GPC5: variants seen among roughly 807,000 people sequenced by gnomAD.
GPC5 encodes glypican 5, also known as glypican-5.
In GPC5, 47 loss-of-function variants were observed where a neutral mutation model predicts 53.9. That is an observed-to-expected ratio of 0.87 (90% CI 0.69 to 1.11). The LOEUF is 1.11. Ranked by LOEUF, GPC5 falls within the 50% of genes most tolerant of loss-of-function variation. The probability of loss-of-function intolerance (pLI) is 0.00; values close to 1 mark genes in which losing one functional copy is unlikely to be tolerated. For synonymous variants in GPC5, 286 were observed against 263.3 expected (o/e 1.09, Z -0.84); for missense variants, 748 against 713.1 (o/e 1.05, Z -0.56).
intron 6 of GPC5, among the ~76,000 whole-genome samples, chr13:92,110,910 C>G (rs761291404): frequency 6.6e-6 from 1 of 152,158 alleles, no homozygotes. Flanking sequence ...AAAGAATCAT[C>G]ATGATAATAT....
chr13:92,557,725 C>A (rs116853712), intron 7 of GPC5, among the ~76,000 whole-genome samples: 1 of 151,952 alleles, frequency 6.6e-6, no homozygotes, highest in Non-Finnish European at 1.5e-5. Context: ...GTTCTGAATG[C>A]CTACTTCCAC....
chr13:92,802,994 C>T (rs1427448841), intron 7 of GPC5, among the ~76,000 whole-genome samples: 6 of 151,836 alleles, frequency 4.0e-5, no homozygotes, highest in Non-Finnish European at 7.4e-5. Flanking sequence ...AATGATTAAT[C>T]CTGCAAAGAA....
intron 7 of GPC5, among the ~76,000 whole-genome samples, chr13:92,776,702 A>G (rs1249851053): frequency 1.3e-5 from 2 of 152,100 alleles, no homozygotes; most frequent in South Asian, 2.1e-4. Flanking sequence ...TTTTCATAAC[A>G]CCCAATCACC....
chr13:92,443,283 T>G (rs1877650538), intron 7 of GPC5, among the ~76,000 whole-genome samples: 1 of 152,212 alleles, frequency 6.6e-6, no homozygotes, highest in Admixed American at 6.5e-5. Flanking sequence ...TCTGCCTGCA[T>G]GACCCAAACA....
chr13:91,455,307 T>C (rs1881463159), intron 2 of GPC5, among the ~76,000 whole-genome samples: 1 of 152,100 alleles, frequency 6.6e-6, no homozygotes, highest in African/African-American at 2.4e-5. Flanking sequence ...CAAAACCAAT[T>C]GAAACTCACT....
At chr13:92,318,944 C>T (rs1453592819) in intron 7 of GPC5, among the ~76,000 whole-genome samples, 1 of 152,076 alleles carries the variant, frequency 6.6e-6, no homozygotes, top group Non-Finnish European at 1.5e-5. Flanking sequence ...AGAGAGGATA[C>T]TTTCAGTGAG....
At chr13:91,882,670 GTTTT>G in intron 5 of GPC5, among the ~76,000 whole-genome samples, 1 of 59,334 alleles carries the variant, frequency 1.7e-5, no homozygotes, top group East Asian at 5.1e-4. Flanking sequence ...TGTTTTTTGG[GTTTT>G]TTTTTTTTTT....
At chr13:92,531,506 GAT>G (rs67635801) in intron 7 of GPC5, among the ~76,000 whole-genome samples, 17,522 of 151,746 alleles carry the variant, frequency 0.12, 1,125 homozygotes, top group Non-Finnish European at 0.15. Context: ...TGTTTATACA[GAT>G]ATATATGTAT....
chr13:91,665,967 A>C (rs2035102343), intron 2 of GPC5, among the ~76,000 whole-genome samples: 1 of 152,232 alleles, frequency 6.6e-6, no homozygotes. Context: ...GTGCCATCTC[A>C]TTCTCTAATC....
At chr13:92,799,649 C>T (rs1876827616) in intron 7 of GPC5, among the ~76,000 whole-genome samples, 1 of 151,724 alleles carries the variant, frequency 6.6e-6, no homozygotes, top group South Asian at 2.1e-4. Flanking sequence ...CTGTGGGTTT[C>T]CATCTTACAA....
intron 1 of GPC5, among the ~76,000 whole-genome samples, chr13:91,430,480 C>G (rs1785466365): frequency 6.6e-6 from 1 of 152,024 alleles, no homozygotes; most frequent in African/African-American, 2.4e-5. Context: ...AGTTTTTCTT[C>G]CTCTGTAAAG....
At chr13:91,747,785 A>G (rs2037083857) in intron 4 of GPC5, among the ~76,000 whole-genome samples, 1 of 152,222 alleles carries the variant, frequency 6.6e-6, no homozygotes, top group Non-Finnish European at 1.5e-5. Flanking sequence ...ACTGGCAGCC[A>G]GTTATTGCTA....
At chr13:91,501,703 C>T (rs1330026030) in intron 2 of GPC5, among the ~76,000 whole-genome samples, 1 of 152,188 alleles carries the variant, frequency 6.6e-6, no homozygotes, top group African/African-American at 2.4e-5. Context: ...CCACAATAAA[C>T]ATACGTGTGC....
chr13:92,112,321 A>G (rs1460369541), intron 6 of GPC5, among the ~76,000 whole-genome samples: 1 of 152,126 alleles, frequency 6.6e-6, no homozygotes, highest in Non-Finnish European at 1.5e-5. Flanking sequence ...TACCAGATAG[A>G]AGATTGAAGA....
intron 7 of GPC5, among the ~76,000 whole-genome samples, chr13:92,464,946 C>A (rs754642092): frequency 6.6e-6 from 1 of 151,510 alleles, no homozygotes; most frequent in Non-Finnish European, 1.5e-5. Flanking sequence ...TATATCTATA[C>A]ATATTAAAAC....
At chr13:91,551,393 G>C (rs1207079845) in intron 2 of GPC5, among the ~76,000 whole-genome samples, 3 of 152,110 alleles carry the variant, frequency 2.0e-5, no homozygotes, top group Admixed American at 1.3e-4. Flanking sequence ...TCTGTTTACT[G>C]TTTTCCCAAG....
intron 7 of GPC5, among the ~76,000 whole-genome samples, chr13:92,845,080 G>A (rs1246445875): frequency 1.3e-5 from 2 of 151,926 alleles, no homozygotes; most frequent in Non-Finnish European, 2.9e-5. Flanking sequence ...GACCAGAAGA[G>A]CTTCTAATGT....
At chr13:91,545,243 A>G (rs1386696994) in intron 2 of GPC5, among the ~76,000 whole-genome samples, 1 of 152,204 alleles carries the variant, frequency 6.6e-6, no homozygotes, top group East Asian at 1.9e-4. Context: ...TGCCATAAGC[A>G]AAGGCTCATG....
intron 6 of GPC5, among the ~76,000 whole-genome samples, chr13:91,910,912 T>C (rs900132475): frequency 1.3e-5 from 2 of 152,098 alleles, no homozygotes; most frequent in East Asian, 1.9e-4. Flanking sequence ...ACACATGTTA[T>C]AAACAAACCA....
Sources: allele counts gnomAD v4.1 joint callset (sites outside exome capture counted in the v4.1 genomes callset), GRCh38; gene constraint gnomAD v4.1.1; transcripts MANE v1.5; gene names NCBI Gene and HGNC (gene_info 2026-07-23, HGNC 2026-07-21).